ERF: variants seen among roughly 807,000 people sequenced by gnomAD.
ERF encodes the protein ETS domain-containing transcription factor ERF.
ERF carries 10 observed loss-of-function variants against 41.6 expected under a neutral mutation model. That is an observed-to-expected ratio of 0.24 (90% CI 0.15 to 0.41). The LOEUF is 0.41. ERF is among the 10% of genes least tolerant of loss of function. The pLI is 1.00. For synonymous variants in ERF, 395 were observed against 342.4 expected, an observed-to-expected ratio of 1.15 and a Z score of -1.70; for missense variants, 621 against 763.2, an observed-to-expected ratio of 0.81 and a Z score of 2.19.
chr19:42,254,950 C>T (rs761558875), intron 1 of ERF, 28 bp downstream of exon 1: 2 of 1,513,372 alleles, frequency 1.3e-6, no homozygotes, highest in African/African-American at 1.5e-5. Context: ...CAACAAGTCT[C>T]CCCCACACGT....
chr19:42,249,243 C>T lies in ERF; in HGVS notation c.869G>A (p.Gly290Asp), dbSNP rs1358587569. The T allele has an allele frequency of 1.9e-6, 3 of 1,613,074 alleles. No homozygotes were observed. The highest frequency in any genetic ancestry group is 1.7e-6 in the Non-Finnish European group (2 of 1,179,584). ...CCCTGAGCCGCTGGGCCCCCCGCCA[C>T]CACTGGGGTACATCGGGCTCAGCGT... ...SPTLSPMYPS[G>D]GGGPSGSGGG... Residue 290 changes from glycine to aspartate, a missense_variant, in exon 4 of 4, where the codon GGT becomes GAT. Transcript: ENST00000222329. This position sits in a 1 kb window ranked among gnomAD's most constrained non-coding sequence, Gnocchi z 8.6.
At chr19:42,254,861 TC>T in intron 1 of ERF, 116 bp downstream of exon 1, 1 of 1,191,634 alleles carries the variant, frequency 8.4e-7, no homozygotes, top group South Asian at 1.7e-5. Flanking sequence ...GCTTGAGGGG[TC>T]CCCCAGAACT....
chr19:42,250,591 C>G lies in ERF; in HGVS notation c.23-26G>C. ...CTGGGGACGGGAGGCAGGGAGTGGC[C>G]TGGGGTCAGGCTGCCAAGTCCAGGG... is the stretch of plus-strand genomic sequence containing the variant. On this transcript the variant is annotated intron_variant, in intron 1 of 3. Transcript: ENST00000222329. This position sits in a 1 kb window ranked among gnomAD's most constrained non-coding sequence, Gnocchi z 5.1. The G allele has an allele frequency of 6.2e-7, 1 of 1,607,210 alleles. No homozygotes were observed. The highest frequency in any genetic ancestry group is 8.5e-7 in the Non-Finnish European group (1 of 1,176,908).
Position 42,249,977 on chromosome 19 carries a change from T to C in ERF, c.258-35A>G. On this transcript the variant is annotated intron_variant, in intron 2 of 3. Coordinates refer to ENST00000222329, the MANE Select transcript of ERF (RefSeq NM_006494.4). The surrounding 1 kb of genome is among the most constrained non-coding windows in gnomAD (Gnocchi z 8.6). ...CAGAAATGCCATTGGGAAGGTCAGG[T>C]ACGTGGGACCCAGGTCTAGACTCCA... The C allele has an allele frequency of 6.3e-7, 1 of 1,593,850 alleles. No homozygotes were observed. Among genetic ancestry groups the C allele is most frequent in the Non-Finnish European group, 8.6e-7 (1 of 1,161,714 alleles).
chr19:42,251,560 G>A (rs950960984), intron 1 of ERF: 10 of 182,030 alleles, frequency 5.5e-5, no homozygotes. Context: ...GGAAAGGGGA[G>A]GAAGGGAAGG....
Position 42,249,158 on chromosome 19 carries a change from G to A in ERF, c.954C>T (p.Thr318=), listed in dbSNP as rs1173482061. Residue 318 remains threonine (T), a synonymous_variant, in exon 4 of 4, where the codon ACC becomes ACT. Transcript: ENST00000222329. The surrounding 1 kb of genome is among the most constrained non-coding windows in gnomAD (Gnocchi z 8.6). ...EDMKRYLQAH[T]QSVYNYHLSP... The stretch of plus-strand genomic sequence containing the variant: ...TGAGGTGGTAGTTGTAGACGCTTTG[G>A]GTGTGGGCCTGCAGGTACCGTTTCA... 1.2e-6 allele frequency: 2 copies of A among 1,613,892 alleles called. No homozygotes were observed.
In ERF at chr19:42,248,991, G is replaced by C; in HGVS notation, c.1121C>G (p.Pro374Arg). Residue 374 changes from proline (P) to arginine (R), a missense_variant, in exon 4 of 4, where the codon CCA becomes CGA. By Grantham distance (103) the Pro-to-Arg change is moderately radical (BLOSUM62 -2). Coordinates refer to ENST00000222329, the MANE Select transcript of ERF (RefSeq NM_006494.4). The surrounding 1 kb of genome is among the most constrained non-coding windows in gnomAD (Gnocchi z 4.2). ...ASSSSSSSSS[P>R]FKFKLQPPPL... ...GGGCGGCTGGAGCTTAAACTTGAAT[G>C]GGGAGGAAGAAGAAGAAGAGGATGA... The C allele has an allele frequency of 6.2e-7, 1 of 1,608,912 alleles. No homozygotes were observed. The highest frequency in any genetic ancestry group is 1.1e-5 in the South Asian group (1 of 91,040).
chr19:42,253,004 A>C (rs1271162783), intron 1 of ERF, among the ~76,000 whole-genome samples: 1 of 152,190 alleles, frequency 6.6e-6, no homozygotes, highest in East Asian at 1.9e-4. Context: ...AAGTGGCAGC[A>C]GTCAGACAGC....
chr19:42,253,149 AC>A (rs774073680), intron 1 of ERF, among the ~76,000 whole-genome samples: 1 of 152,060 alleles, frequency 6.6e-6, no homozygotes, highest in Non-Finnish European at 1.5e-5. Context: ...GACGGCCCAA[AC>A]TTTTTTTAAG....
At chr19:42,252,910 C>T (rs1198713097) in intron 1 of ERF, among the ~76,000 whole-genome samples, 2 of 152,082 alleles carry the variant, frequency 1.3e-5, no homozygotes, top group African/African-American at 4.8e-5. Context: ...GGGTGCGGGA[C>T]CTCGGGAACA....
Position 42,248,453 on chromosome 19 carries a change from T to C in ERF, c.*12A>G. 6.8e-7 allele frequency: 1 copy of C among 1,480,910 alleles called. No individual in the cohort carries two copies. 91.7% of individuals were successfully genotyped at this position (1,480,910 alleles called of 1,614,324 possible). On this transcript the variant is annotated 3_prime_UTR_variant, in exon 4 of 4. Coordinates refer to ENST00000222329, the MANE Select transcript of ERF (RefSeq NM_006494.4). This position sits in a 1 kb window ranked among gnomAD's most constrained non-coding sequence, Gnocchi z 4.2. ...GGGGGTGCGGGGCACACAGGTCCCC[T>C]GCCCACAGCCCTCAGGAGTCTCGGT...
intron 1 of ERF, among the ~76,000 whole-genome samples, chr19:42,253,003 C>T (rs2036469798): frequency 6.6e-6 from 1 of 152,142 alleles, no homozygotes; most frequent in South Asian, 2.1e-4. Flanking sequence ...GAAGTGGCAG[C>T]AGTCAGACAG....
intron 1 of ERF, among the ~76,000 whole-genome samples, chr19:42,253,451 C>T (rs530349258): frequency 1.3e-5 from 2 of 152,158 alleles, no homozygotes; most frequent in Non-Finnish European, 2.9e-5. Flanking sequence ...ACTGTCCCGC[C>T]CCCCGACAGG....
chr19:42,251,071 A>ATT (rs72204758), intron 1 of ERF, among the ~76,000 whole-genome samples: 2 of 144,744 alleles, frequency 1.4e-5, no homozygotes, highest in African/African-American at 2.5e-5. Flanking sequence ...TGAGAGGAAG[A>ATT]TTTTTTTTTT....
intron 1 of ERF, chr19:42,253,796 T>TGGGGTGGGGATGGGGTGGGG: frequency 2.8e-6 from 2 of 724,202 alleles, no homozygotes; most frequent in African/African-American, 6.9e-5. Flanking sequence ...GGGGTGGGAA[T>TGGGGTGGGGATGGGGTGGGG]GGGGTGGGGA....
At chr19:42,251,220 G>A in intron 1 of ERF, 1 of 985,188 alleles carries the variant, frequency 1.0e-6, no homozygotes, top group South Asian at 4.7e-5. Flanking sequence ...GACCCTCTGA[G>A]CTACACTGCC....
Position 42,249,411 on chromosome 19 carries a change from A to G in ERF, c.701T>C (p.Val234Ala). The G allele has an allele frequency of 6.3e-7, 1 of 1,582,946 alleles. No homozygotes were observed. The highest frequency in any genetic ancestry group is 8.6e-7 in the Non-Finnish European group (1 of 1,165,152). ...AGGGCCACCCCGAGGCCGGGGATAG[A>G]CTCGGAAGACACCAGGGTCATGGGG... ...RLPHDPGVFR[V>A]YPRPRGGPEP... The change falls in exon 4 of 4, where the codon GTC (valine) becomes GCC (alanine). Residue 234 changes from valine (V) to alanine (A), a missense_variant. This residue lies in a region of ERF where 569 missense variants were observed against 625.5 expected (regional missense o/e 0.91). Transcript: ENST00000222329. This position sits in a 1 kb window ranked among gnomAD's most constrained non-coding sequence, Gnocchi z 8.6.
Position 42,249,680 on chromosome 19 carries a change from G to A in ERF, c.432C>T (p.Phe144=). The change falls in exon 4 of 4, where the codon TTC becomes TTT. Residue 144 remains phenylalanine, a synonymous_variant. Transcript: ENST00000222329. This position sits in a 1 kb window ranked among gnomAD's most constrained non-coding sequence, Gnocchi z 8.6. ...GCACCTCGGAGGGCGTTGAGGGAGG[G>A]AAGCGGAAGTGGCTACCACCCGACG... ...PVPSGGSHFR[F]PPSTPSEVLS... 6.2e-7 allele frequency: 1 copy of A among 1,600,946 alleles called. No homozygotes were observed. The highest frequency in any genetic ancestry group is 8.5e-7 in the Non-Finnish European group (1 of 1,172,204).
At chr19:42,252,984 C>CA (rs1475883433) in intron 1 of ERF, among the ~76,000 whole-genome samples, 1 of 152,050 alleles carries the variant, frequency 6.6e-6, no homozygotes, top group African/African-American at 2.4e-5. Flanking sequence ...GACTGCGAGA[C>CA]AGAGTGCAGA....
Sources: gnomAD v4.1 joint callset for allele counts (sites outside exome capture counted in the v4.1 genomes callset) on GRCh38, gnomAD v4.1.1 for gene constraint, gnomAD v4.1.1 regional missense constraint, Gnocchi (gnomAD v3.1) non-coding constraint, MANE v1.5 for transcripts, NCBI Gene and HGNC (gene_info 2026-07-23, HGNC 2026-07-21) for gene names.